Variants in GALNT16 observed in about 807,000 individuals in gnomAD.
The protein encoded by GALNT16 is UDP-GalNAc:polypeptide N-acetylgalactosaminyltransferase-like protein 1.
In GALNT16, 40 loss-of-function variants were observed where a neutral mutation model predicts 76.1. The observed-to-expected ratio is 0.53, with a 90% CI of 0.41 to 0.68. The LOEUF is 0.68. Among genes scored for constraint, GALNT16 ranks in the 30% least tolerant of loss-of-function variants. GALNT16 has a pLI of 0.00. For missense variants in GALNT16, 621 were observed against 731.9 expected (o/e 0.85, Z 1.75); for synonymous variants, 276 against 285.2 (o/e 0.97, Z 0.32).
chr14:69,347,028 C>A lies in GALNT16; in HGVS notation c.1272-12C>A, dbSNP rs1400955604. 8 of 1,614,056 alleles carry A rather than the reference C, an allele frequency of 5.0e-6. 1 individual carries two copies. The Middle Eastern group carries it at 6.6e-4, about 133-fold the overall frequency. On this transcript the variant is annotated splice_polypyrimidine_tract_variant and intron_variant, in intron 12 of 14. Coordinates refer to ENST00000448469, the MANE Select transcript of GALNT16 (RefSeq NM_001168368.2). ...GGGAAAGCACAAGCCTGACTGCTGC[C>A]TTTTCTCTCAGGGTCCCCGTGAAGG...
intron 5 of GALNT16, among the ~76,000 whole-genome samples, chr14:69,326,907 G>C (rs1147465): frequency 6.6e-6 from 1 of 151,998 alleles, no homozygotes; most frequent in Admixed American, 6.5e-5. Context: ...AAGGCCAGCC[G>C]CCTACTCATA....
Position 69,333,492 on chromosome 14 carries a change from C to T in GALNT16, c.864-5C>T, listed in dbSNP as rs764318492. 1.3e-6 allele frequency: 2 copies of T among 1,592,030 alleles called. No homozygotes were observed. The highest frequency in any genetic ancestry group is 1.7e-6 in the Non-Finnish European group (2 of 1,160,318). On this transcript the variant is annotated splice_region_variant and splice_polypyrimidine_tract_variant and intron_variant, in intron 8 of 14. Coordinates refer to ENST00000448469, the MANE Select transcript of GALNT16 (RefSeq NM_001168368.2). This position sits in a 1 kb window ranked among gnomAD's most constrained non-coding sequence, Gnocchi z 4.2. Reference sequence around the variant, plus strand: ...GTGTTGCGTCTTCCCTCTCCTTGCTCCCAGGACGCCTGTCATAGCTGGAGG... The same window carrying T: ...GTGTTGCGTCTTCCCTCTCCTTGCTTCCAGGACGCCTGTCATAGCTGGAGG...
chr14:69,260,642 C>T (rs919058736), intron 1 of GALNT16, 175 bp downstream of exon 1: 11 of 357,328 alleles, frequency 3.1e-5, no homozygotes, highest in South Asian at 2.7e-4. Flanking sequence ...TGCCGGGCGG[C>T]GGGGCTGGGG....
At chr14:69,337,560 A>T (rs2045430101) in intron 9 of GALNT16, among the ~76,000 whole-genome samples, 1 of 152,258 alleles carries the variant, frequency 6.6e-6, no homozygotes, top group African/African-American at 2.4e-5. Flanking sequence ...GACTGTGCCC[A>T]GTTCTACGCC....
At chr14:69,378,949 T>A in the GALNT16 span, among the ~76,000 whole-genome samples, 28 of 152,296 alleles carry the variant, frequency 1.8e-4, no homozygotes, top group East Asian at 1.7e-3. Flanking sequence ...TTATTTATTT[T>A]TTTTTTGAGA....
intron 1 of GALNT16, among the ~76,000 whole-genome samples, chr14:69,320,355 C>T (rs549351349): frequency 1.7e-4 from 26 of 152,198 alleles, no homozygotes; most frequent in African/African-American, 5.5e-4. Context: ...ATTAGCTAGG[C>T]GTGGTGGTGC....
At chr14:69,310,261 A>G (rs2044997897) in intron 1 of GALNT16, among the ~76,000 whole-genome samples, 1 of 151,578 alleles carries the variant, frequency 6.6e-6, no homozygotes, top group Non-Finnish European at 1.5e-5. Flanking sequence ...CTGTAGTCTT[A>G]TGGTATATCT....
chr14:69,321,571 A>G (rs2140164261), intron 2 of GALNT16, among the ~76,000 whole-genome samples: 1 of 151,896 alleles, frequency 6.6e-6, no homozygotes, highest in African/African-American at 2.4e-5. Flanking sequence ...CCCGCTCCCC[A>G]TGACCTGGCC....
chr14:69,305,428 G>T (rs1881448356), intron 1 of GALNT16, among the ~76,000 whole-genome samples: 1 of 152,154 alleles, frequency 6.6e-6, no homozygotes, highest in African/African-American at 2.4e-5. Flanking sequence ...CTACCAAAGT[G>T]CTGGGATTAT....
chr14:69,331,619 A>G (rs59927624), intron 7 of GALNT16, 68 bp downstream of exon 7: 41 of 879,496 alleles, frequency 4.7e-5, no homozygotes, highest in African/African-American at 4.1e-4. Context: ...GCAGGCAAAA[A>G]CCCTTGCTTG....
chr14:69,310,787 C>T (rs2045007305), intron 1 of GALNT16, among the ~76,000 whole-genome samples: 1 of 152,134 alleles, frequency 6.6e-6, no homozygotes, highest in South Asian at 2.1e-4. Flanking sequence ...CGGTGGCTCA[C>T]ACCTGTAACC....
chr14:69,285,040 C>T (rs139036627), intron 1 of GALNT16, among the ~76,000 whole-genome samples: 27,568 of 127,348 alleles, frequency 0.22, 3,028 homozygotes, highest in South Asian at 0.28. Context: ...CTCGGGCACT[C>T]TTTTTTTTTT....
the GALNT16 span, chr14:69,380,476 C>G: frequency 1.1e-6 from 1 of 908,946 alleles, no homozygotes; most frequent in African/African-American, 1.6e-5. Context: ...ACTTCCACTA[C>G]AGCACGCTGT....
Position 69,339,837 on chromosome 14 carries a change from G to A in GALNT16, c.1187+218G>A, listed in dbSNP as rs555951099. 3.3e-4 allele frequency among the ~76,000 whole-genome samples: 50 copies of A among 152,336 alleles called. No homozygotes were observed. In the South Asian group the frequency reaches 3.7e-3, roughly 11 times the overall value. On this transcript the variant is annotated intron_variant, in intron 11 of 14. Transcript: ENST00000448469. Reference sequence around the variant, plus strand: ...TGAAATCTCATGGGAGAGAAGGCTCGCTTATGAAAAAGAGCTGCCTGTCCA... The same window carrying A: ...TGAAATCTCATGGGAGAGAAGGCTCACTTATGAAAAAGAGCTGCCTGTCCA...
Position 69,303,740 on chromosome 14 carries a change from T to C in GALNT16, c.178-16971T>C, listed in dbSNP as rs546103790. Among the ~76,000 whole-genome samples, 14 of 152,326 alleles carry C rather than the reference T, an allele frequency of 9.2e-5. No individual in the cohort carries two copies. The South Asian group carries it at 2.7e-3, about 29-fold the overall frequency. ...TTTTTACACAACTGCAATCACAAAG[T>C]GTATACAATTTTATCCTGCCCTTTC... is the stretch of plus-strand genomic sequence containing the variant. On this transcript the variant is annotated intron_variant, in intron 1 of 14. Transcript: ENST00000448469.
At chr14:69,275,380 T>A (rs946311981) in intron 1 of GALNT16, among the ~76,000 whole-genome samples, 1 of 152,196 alleles carries the variant, frequency 6.6e-6, no homozygotes, top group Non-Finnish European at 1.5e-5. Context: ...AGTATATATA[T>A]ATATCAGTAT....
chr14:69,260,321 A>C lies in GALNT16; in HGVS notation c.31A>C (p.Ile11Leu). Reference protein sequence around the residue: MRKIRANAIAILTVAWILGTF... With the variant: MRKIRANAIALLTVAWILGTF... ...GAAGATCCGCGCCAATGCCATCGCC[A>C]TCCTGACCGTAGCCTGGATCCTGGG... The change falls in exon 1 of 15, where the codon ATC (isoleucine) becomes CTC (leucine). Residue 11 changes from isoleucine (I) to leucine (L), a missense_variant. Physicochemically the swap from Ile to Leu is conservative, Grantham distance 5. Transcript: ENST00000448469. The C allele has an allele frequency of 6.2e-7, 1 of 1,612,852 alleles. No homozygotes were observed. Among genetic ancestry groups the C allele is most frequent in the Non-Finnish European group, 8.5e-7 (1 of 1,179,424 alleles).
intron 1 of GALNT16, among the ~76,000 whole-genome samples, chr14:69,291,941 TG>T (rs2044692306): frequency 6.6e-6 from 1 of 152,170 alleles, no homozygotes; most frequent in African/African-American, 2.4e-5. Context: ...CTGTAATGGG[TG>T]TGACCCCACA....
At chr14:69,275,250 C>T (rs1304037080) in intron 1 of GALNT16, among the ~76,000 whole-genome samples, 1 of 152,106 alleles carries the variant, frequency 6.6e-6, no homozygotes, top group East Asian at 1.9e-4. Context: ...AAGTAGAACC[C>T]CTGAGGTCAG....
Sources: allele counts gnomAD v4.1 joint callset (sites outside exome capture counted in the v4.1 genomes callset), GRCh38; gene constraint gnomAD v4.1.1; non-coding constraint Gnocchi (gnomAD v3.1); transcripts MANE v1.5; gene names NCBI Gene and HGNC (gene_info 2026-07-23, HGNC 2026-07-21).